The following RAB26 variants were observed in gnomAD, a reference collection of about 807,000 sequenced individuals.
RAB26 encodes the protein RAB26, member RAS oncogene family.
In RAB26, 39 loss-of-function variants were observed where a neutral mutation model predicts 33.1. The observed-to-expected ratio is 1.18, with a 90% CI of 0.91 to 1.54. RAB26 has a LOEUF of 1.54. Among genes scored for constraint, RAB26 ranks in the 40% most tolerant of loss-of-function variants. RAB26 has a pLI of 0.00. For missense variants in RAB26, 468 were observed against 362.9 expected (o/e 1.29, Z -2.35); for synonymous variants, 192 against 151.9 (o/e 1.26, Z -1.94).
intron 4 of RAB26, 37 bp downstream of exon 4, chr16:2,151,798 G>C (rs112343494): frequency 1.2e-6 from 2 of 1,613,970 alleles, no homozygotes; most frequent in Middle Eastern, 1.6e-4. Flanking sequence ...TGGGGCGGGG[G>C]TCTGAGCACC....
chr16:2,149,413 G>T (rs934709270), intron 1 of RAB26, among the ~76,000 whole-genome samples: 32 of 151,958 alleles, frequency 2.1e-4, no homozygotes, highest in Admixed American at 1.8e-3. Context: ...AGGGGGCTGG[G>T]AGGACCATTT....
Position 2,153,202 on chromosome 16 carries a change from G to A in RAB26, c.648G>A (p.Leu216=), listed in dbSNP as rs758069332. ...CCAAGACGGGCCTCAACGTGGACTTGGCCTTCACAGCCATAGCAAAGTAAG... is the reference window on the plus strand; with the variant it reads ...CCAAGACGGGCCTCAACGTGGACTTAGCCTTCACAGCCATAGCAAAGTAAG... ...TSAKTGLNVD[L]AFTAIAKELK... Residue 216 remains leucine (L), a synonymous_variant, in exon 8 of 9, where the codon TTG becomes TTA. Coordinates refer to ENST00000210187, the MANE Select transcript of RAB26 (RefSeq NM_014353.5). The A allele has an allele frequency of 6.2e-7, 1 of 1,613,788 alleles. No individual in the cohort carries two copies.
At chr16:2,149,168 C>G (rs2092996117) in intron 1 of RAB26, among the ~76,000 whole-genome samples, 190 bp downstream of exon 1, 1 of 152,204 alleles carries the variant, frequency 6.6e-6, no homozygotes. Flanking sequence ...GGGTATCCAA[C>G]AGCTGGCAGG....
chr16:2,153,721 G>C lies in RAB26; in HGVS notation c.*300G>C, dbSNP rs564936700. 183 of 579,890 alleles carry C rather than the reference G, an allele frequency of 3.2e-4. No homozygotes were observed. Among genetic ancestry groups the C allele is most frequent in the African/African-American group, 2.9e-3 (157 of 54,430 alleles). The allele number at this position is 579,890 out of a possible 1,614,324, so 35.9% of individuals were successfully genotyped here. A position where few individuals can be genotyped will look rare whatever the true frequency, so the allele number is the denominator to read the frequency against. On this transcript the variant is annotated 3_prime_UTR_variant, in exon 9 of 9. Transcript: ENST00000210187. Reference sequence around the variant, plus strand: ...GCTGCCCCCTCCTGGGCACGTCCAGGTGAGGGAGGGCTGGGGCTGGCACCA... The same window carrying C: ...GCTGCCCCCTCCTGGGCACGTCCAGCTGAGGGAGGGCTGGGGCTGGCACCA...
At chr16:2,150,937 G>A (rs988609675) in intron 2 of RAB26, among the ~76,000 whole-genome samples, 8 of 151,618 alleles carry the variant, frequency 5.3e-5, no homozygotes, top group South Asian at 2.1e-4. Flanking sequence ...GAAGCCCCCC[G>A]CCCCCACCCC....
chr16:2,151,711 G>T lies in RAB26; in HGVS notation c.365G>T (p.Gly122Val). 6.2e-7 allele frequency: 1 copy of T among 1,613,984 alleles called. No individual in the cohort carries two copies. Among genetic ancestry groups the T allele is most frequent in the Non-Finnish European group, 8.5e-7 (1 of 1,180,028 alleles). The change falls in exon 4 of 9, where the codon GGT becomes GTT. Residue 122 changes from glycine to valine, a missense_variant. Gly to Val is a moderately radical substitution (Grantham distance 109). Coordinates refer to ENST00000210187, the MANE Select transcript of RAB26 (RefSeq NM_014353.5). ...KVKLQMWDTA[G>V]QERFRSVTHA... is the part of the protein sequence containing the mutation. ...TCGCTGCAGATGTGGGACACAGCTG[G>T]TCAGGAGCGGTTCCGCAGTGTTACC...
At chr16:2,152,735 C>G (rs950677567) in intron 5 of RAB26, 85 bp from the exon 6 acceptor site, 3 of 883,020 alleles carry the variant, frequency 3.4e-6, no homozygotes, top group Non-Finnish European at 5.2e-6. Context: ...CAGGTGCCCT[C>G]TACAGTGTGA....
rs1326542686 is a variant in RAB26, at chr16:2,150,054, G to A, written c.306+3G>A. 2 of 1,540,306 alleles carry A rather than the reference G, an allele frequency of 1.3e-6. No homozygotes were observed. Among genetic ancestry groups the A allele is most frequent in the African/African-American group, 2.8e-5 (2 of 72,362 alleles). ...CCACCGTAGGCATTGACTTCCGGGT[G>A]AGTGGAGGCCCTGGCCTGGCCCCAC... is the stretch of plus-strand genomic sequence containing the variant. On this transcript the variant is annotated splice_donor_region_variant and intron_variant, in intron 2 of 8. Coordinates refer to ENST00000210187, the MANE Select transcript of RAB26 (RefSeq NM_014353.5).
chr16:2,149,381 G>C (rs934225804), intron 1 of RAB26, among the ~76,000 whole-genome samples: 1 of 150,654 alleles, frequency 6.6e-6, no homozygotes, highest in Non-Finnish European at 1.5e-5. Context: ...CCAGACCAAG[G>C]CAGAGGCTGT....
chr16:2,153,846 G>A lies in RAB26; in HGVS notation c.*425G>A, dbSNP rs1299506120. The A allele has an allele frequency of 2.2e-6, 1 of 460,236 alleles. No homozygotes were observed. Among genetic ancestry groups the A allele is most frequent in the Admixed American group, 2.3e-5 (1 of 42,662 alleles). The allele number at this position is 460,236 out of a possible 1,614,324, so 28.5% of individuals were successfully genotyped here. Reference sequence around the variant, plus strand: ...CACGCCTGGGACAGAAGGCTTCACTGCTAATCACATCGTGCATCTGTGTGT... The same window carrying A: ...CACGCCTGGGACAGAAGGCTTCACTACTAATCACATCGTGCATCTGTGTGT... On this transcript the variant is annotated 3_prime_UTR_variant, in exon 9 of 9. Coordinates refer to ENST00000210187, the MANE Select transcript of RAB26 (RefSeq NM_014353.5).
intron 2 of RAB26, 42 bp downstream of exon 2, chr16:2,150,093 C>T (rs1372280978): frequency 5.4e-6 from 8 of 1,491,026 alleles, no homozygotes; most frequent in Non-Finnish European, 7.2e-6. Flanking sequence ...AGAGTCCCGC[C>T]GGTACCCGAG....
intron 1 of RAB26, 35 bp downstream of exon 1, chr16:2,149,013 C>G: frequency 7.1e-6 from 9 of 1,264,132 alleles, no homozygotes; most frequent in Non-Finnish European, 9.0e-6. Context: ...GCCAGCGCAG[C>G]AGGTGGCGCC....
chr16:2,152,021 G>T, intron 5 of RAB26, 113 bp downstream of exon 5: 1 of 1,417,324 alleles, frequency 7.1e-7, no homozygotes, highest in Non-Finnish European at 9.8e-7. Flanking sequence ...AGAGGGGAGG[G>T]GGAAATGACA....
Position 2,153,988 on chromosome 16 carries a change from C to T in RAB26, c.*567C>T. 2.7e-6 allele frequency: 1 copy of T among 364,498 alleles called. No homozygotes were observed. The highest frequency in any genetic ancestry group is 5.5e-6 in the Non-Finnish European group (1 of 181,832). The allele number at this position is 364,498 out of a possible 1,614,324, so 22.6% of individuals were successfully genotyped here. ...GGCCTTGTGATAAAATGTGGGAAAT[C>T]ACAGAAAACACCAGAAACAACAACT... On this transcript the variant is annotated 3_prime_UTR_variant, in exon 9 of 9. Transcript: ENST00000210187.
chr16:2,153,864 CTG>C lies in RAB26; in HGVS notation c.*449_*450del, dbSNP rs2093016171. 2 of 457,942 alleles carry C rather than the reference CTG, an allele frequency of 4.4e-6. No individual in the cohort carries two copies. The highest frequency in any genetic ancestry group is 1.5e-5 in the South Asian group (1 of 64,586). The allele number at this position is 457,942 out of a possible 1,614,324, so 28.4% of individuals were successfully genotyped here. ...CTTCACTGCTAATCACATCGTGCAT[CTG>C]TGTGTCCTGGGAGCTGCCTGCTCCC... On this transcript the variant is annotated 3_prime_UTR_variant, in exon 9 of 9. Transcript: ENST00000210187.
chr16:2,148,729 G>A lies in RAB26; in HGVS notation c.-55G>A, dbSNP rs1454310160. The A allele has an allele frequency of 8.2e-7, 1 of 1,221,686 alleles. No individual in the cohort carries two copies. The highest frequency in any genetic ancestry group is 1.0e-6 in the Non-Finnish European group (1 of 980,836). 75.7% of individuals were successfully genotyped at this position (1,221,686 alleles called of 1,614,324 possible). On this transcript the variant is annotated 5_prime_UTR_variant, in exon 1 of 9. Coordinates refer to ENST00000210187, the MANE Select transcript of RAB26 (RefSeq NM_014353.5). ...GTCGGGCTCGGCGGGCGCGGGGTGC[G>A]GGACGGCCCAGGGCACGGCGGCTGC...
chr16:2,151,460 G>A, intron 2 of RAB26, 109 bp from the exon 3 acceptor site: 1 of 1,512,492 alleles, frequency 6.6e-7, no homozygotes, highest in South Asian at 1.1e-5. Context: ...CAGGGGCTGG[G>A]CTGGACCTGG....
Position 2,153,527 on chromosome 16 carries a change from G to A in RAB26, c.*106G>A, listed in dbSNP as rs757390396. 1.5e-5 allele frequency: 16 copies of A among 1,056,214 alleles called. No individual in the cohort carries two copies. The highest frequency in any genetic ancestry group is 4.5e-5 in the Admixed American group (2 of 44,930). 65.4% of individuals were successfully genotyped at this position (1,056,214 alleles called of 1,614,324 possible). ...TTGTTGCCCAGTGGCCAACGCCCGA[G>A]TGTCTGTTTTCAGGAGCCCCAGGTC... is the stretch of plus-strand genomic sequence containing the variant. On this transcript the variant is annotated 3_prime_UTR_variant, in exon 9 of 9. Transcript: ENST00000210187.
chr16:2,151,039 G>A (rs1463821048), intron 2 of RAB26: 8 of 352,510 alleles, frequency 2.3e-5, no homozygotes, highest in Non-Finnish European at 4.5e-5. Context: ...GCAGTTCTGG[G>A]ATCTGCGGTT....
Sources: allele counts gnomAD v4.1 joint callset (sites outside exome capture counted in the v4.1 genomes callset), GRCh38; gene constraint gnomAD v4.1.1; transcripts MANE v1.5; gene names NCBI Gene and HGNC (gene_info 2026-07-23, HGNC 2026-07-21).